FAM184B: variants seen among roughly 807,000 people sequenced by gnomAD.
The protein encoded by FAM184B is family with sequence similarity 184 member B.
A neutral mutation model predicts 135.9 loss-of-function variants in FAM184B; 111 were observed. The observed-to-expected ratio is 0.82, with a 90% CI of 0.70 to 0.96. The LOEUF is 0.96. FAM184B is among the 40% of genes least tolerant of loss of function. The pLI, the probability that FAM184B is intolerant of heterozygous loss-of-function variation, is 0.00. For synonymous variants in FAM184B, 552 were observed against 524.8 expected (o/e 1.05, Z -0.71); for missense variants, 1,375 against 1,323.9 (o/e 1.04, Z -0.60).
chr4:17,673,777 AG>A (rs1413711045), intron 7 of FAM184B, among the ~76,000 whole-genome samples: 1 of 152,078 alleles, frequency 6.6e-6, no homozygotes, highest in Non-Finnish European at 1.5e-5. Context: ...AAGGTTGGGA[AG>A]GGGGTAAGGG....
chr4:17,755,437 G>A (rs1319622215), intron 1 of FAM184B, among the ~76,000 whole-genome samples: 1 of 152,160 alleles, frequency 6.6e-6, no homozygotes, highest in Non-Finnish European at 1.5e-5. Flanking sequence ...TGGAGAAAAA[G>A]GAATGCTTTT....
chr4:17,674,631 A>G (rs142071981), intron 7 of FAM184B, among the ~76,000 whole-genome samples: 2 of 152,288 alleles, frequency 1.3e-5, no homozygotes, highest in Non-Finnish European at 2.9e-5. Flanking sequence ...GTTTGATACC[A>G]TTTTGCTCAC....
chr4:17,651,463 A>G (rs9884787), intron 11 of FAM184B, among the ~76,000 whole-genome samples: 89,510 of 146,778 alleles, frequency 0.61, 27,484 homozygotes, highest in East Asian at 0.88. Context: ...GTGTGAACCC[A>G]GGAGGCGGAG....
rs1017157476 is a variant in FAM184B at position 17,709,110 on chromosome 4, C to T, written c.676G>A (p.Glu226Lys). The stretch of plus-strand genomic sequence containing the variant: ...TGCCGGATGGCCTCGTTTTCCCTCT[C>T]GTAGGTGGCCTGCAGCTCCTCGGCC... ...RKAEELQATY[E>K]RENEAIRQAM... Residue 226 changes from glutamate (E) to lysine (K), a missense_variant, in exon 2 of 18, where the codon GAG becomes AAG. By Grantham distance (56) the Glu-to-Lys change is moderately conservative. Coordinates refer to ENST00000265018, the MANE Select transcript of FAM184B (RefSeq NM_015688.2). The T allele has an allele frequency of 1.3e-6, 2 of 1,549,266 alleles. No homozygotes were observed. The highest frequency in any genetic ancestry group is 2.4e-5 in the East Asian group (1 of 40,884).
At chr4:17,739,878 C>G (rs1023730623) in intron 1 of FAM184B, among the ~76,000 whole-genome samples, 1 of 152,044 alleles carries the variant, frequency 6.6e-6, no homozygotes, top group Non-Finnish European at 1.5e-5. Flanking sequence ...TTTTAACTGT[C>G]TACATCTGGA....
At position 17,745,034 on chromosome 4, in the gene FAM184B, G is replaced by A. The variant is rs1015168039; in HGVS notation, c.142-35390C>T. Among the ~76,000 whole-genome samples the A allele has an allele frequency of 3.3e-5, 5 of 152,166 alleles. No individual in the cohort carries two copies. The South Asian group carries it at 6.2e-4, about 19-fold the overall frequency. On this transcript the variant is annotated intron_variant, in intron 1 of 17. Transcript: ENST00000265018. ...AAAGACCTTACAGCCCTTCTGCATC[G>A]CTCTCCTTCCTCTTCTGACCTGCTT...
intron 5 of FAM184B, among the ~76,000 whole-genome samples, chr4:17,694,263 C>G (rs1387828927): frequency 6.6e-6 from 1 of 152,176 alleles, no homozygotes. Flanking sequence ...GTGGCTGACG[C>G]CTGTAATCCC....
intron 1 of FAM184B, among the ~76,000 whole-genome samples, chr4:17,718,869 T>A (rs1368552042): frequency 6.6e-6 from 1 of 152,228 alleles, no homozygotes; most frequent in African/African-American, 2.4e-5. Context: ...CATTGAGATT[T>A]AGAGTTGTTT....
At position 17,632,500 on chromosome 4, in the gene FAM184B, A is replaced by G. The variant is rs747344480; in HGVS notation, c.*32T>C. On this transcript the variant is annotated 3_prime_UTR_variant, in exon 18 of 18. Transcript: ENST00000265018. ...GATGATTTAAAATAAATGTTTTTCA[A>G]GTATCCTCTGTGATGTATCCCAAAG... 1.9e-5 allele frequency: 28 copies of G among 1,456,430 alleles called. No homozygotes were observed. The highest frequency in any genetic ancestry group is 2.5e-5 in the South Asian group (2 of 79,588). 90.2% of individuals were successfully genotyped at this position (1,456,430 alleles called of 1,614,324 possible).
intron 10 of FAM184B, among the ~76,000 whole-genome samples, chr4:17,655,596 C>T (rs1384962764): frequency 6.6e-6 from 1 of 152,204 alleles, no homozygotes; most frequent in South Asian, 2.1e-4. Flanking sequence ...ATTCCCAGTG[C>T]TTCCAAATAC....
chr4:17,752,069 C>T (rs992854396), intron 1 of FAM184B, among the ~76,000 whole-genome samples: 10 of 151,864 alleles, frequency 6.6e-5, no homozygotes, highest in Non-Finnish European at 1.5e-4. Context: ...CCACCATGGA[C>T]AGTAACAGGA....
chr4:17,650,827 A>C (rs10805358), intron 11 of FAM184B, among the ~76,000 whole-genome samples: 79,500 of 152,054 alleles, frequency 0.52, 23,394 homozygotes, highest in East Asian at 0.88. Flanking sequence ...TCAACCAAGC[A>C]GCAAGGTAGA....
intron 1 of FAM184B, among the ~76,000 whole-genome samples, chr4:17,760,575 C>A (rs1335646579): frequency 6.6e-6 from 1 of 152,142 alleles, no homozygotes; most frequent in African/African-American, 2.4e-5. Flanking sequence ...GCCCTATTCT[C>A]TCTCTCACCA....
At chr4:17,641,320 C>T (rs1212887172) in intron 13 of FAM184B, among the ~76,000 whole-genome samples, 1 of 152,062 alleles carries the variant, frequency 6.6e-6, no homozygotes, top group Non-Finnish European at 1.5e-5. Flanking sequence ...TAATTAAGAG[C>T]GCACAGCTAG....
intron 2 of FAM184B, among the ~76,000 whole-genome samples, chr4:17,708,663 C>CTATACA (rs1228433126): frequency 0.02 from 342 of 16,994 alleles, 23 homozygotes; most frequent in Non-Finnish European, 0.028. Flanking sequence ...GGAAACAAAA[C>CTATACA]TATATATATA....
intron 7 of FAM184B, among the ~76,000 whole-genome samples, chr4:17,682,052 G>A (rs983533388): frequency 6.6e-6 from 1 of 152,166 alleles, no homozygotes; most frequent in African/African-American, 2.4e-5. Flanking sequence ...CCTATGGCTT[G>A]TATAGTGATG....
intron 2 of FAM184B, 131 bp downstream of exon 2, chr4:17,708,761 T>A: frequency 1.5e-6 from 1 of 671,874 alleles, no homozygotes. Context: ...GTAGGTGAAT[T>A]CAATGGAGAT....
In FAM184B at chr4:17,632,708, G is replaced by A. The variant is rs1011784888; in HGVS notation, c.3090-83C>T. The A allele has an allele frequency of 3.6e-5, 33 of 915,604 alleles. No individual in the cohort carries two copies. In the South Asian group the frequency reaches 4.4e-4, roughly 12 times the overall value. 56.7% of individuals were successfully genotyped at this position (915,604 alleles called of 1,614,324 possible). A position where few individuals can be genotyped will look rare whatever the true frequency, so the allele number is the denominator to read the frequency against. On this transcript the variant is annotated intron_variant, in intron 17 of 17. Transcript: ENST00000265018. The stretch of plus-strand genomic sequence containing the variant: ...AATACCCACCATCTTTTCAGGGAAA[G>A]ATAACTGCTTGTTTACTCTTCAAAA...
chr4:17,661,408 T>C (rs1715917863), intron 8 of FAM184B, among the ~76,000 whole-genome samples: 1 of 151,616 alleles, frequency 6.6e-6, no homozygotes, highest in Non-Finnish European at 1.5e-5. Context: ...AAAAATTAGC[T>C]TAGTGTGGTG....
Sources: gnomAD v4.1 joint callset for allele counts (sites outside exome capture counted in the v4.1 genomes callset) on GRCh38, gnomAD v4.1.1 for gene constraint, MANE v1.5 for transcripts, NCBI Gene and HGNC (gene_info 2026-07-23, HGNC 2026-07-21) for gene names.